The following NRXN3 variants were observed in gnomAD, a reference collection of about 807,000 sequenced individuals.
NRXN3 encodes neurexin 3, also known as neurexin III.
NRXN3 carries 32 observed loss-of-function variants against 137.6 expected under a neutral mutation model. That is an observed-to-expected ratio of 0.23 (90% CI 0.18 to 0.31). The LOEUF (loss-of-function observed/expected upper bound fraction) is 0.31. Among genes scored for constraint, NRXN3 ranks in the 10% least tolerant of loss-of-function variants. The probability of loss-of-function intolerance (pLI) is 1.00; values close to 1 mark genes in which losing one functional copy is unlikely to be tolerated. For missense variants in NRXN3, 1,574 were observed against 2,062.5 expected, an observed-to-expected ratio of 0.76 and a Z score of 4.59; for synonymous variants, 798 against 784.5, an observed-to-expected ratio of 1.02 and a Z score of -0.29.
intron 16 of NRXN3, among the ~76,000 whole-genome samples, chr14:79,621,880 C>G (rs1254899309): frequency 2.0e-5 from 3 of 152,142 alleles, no homozygotes; most frequent in Non-Finnish European, 4.4e-5. Context: ...GTTTTTGAAC[C>G]TTTCTATTTA....
intron 15 of NRXN3, among the ~76,000 whole-genome samples, chr14:79,008,062 G>A (rs539025358): frequency 2.4e-4 from 37 of 152,114 alleles, no homozygotes; most frequent in South Asian, 2.3e-3. Context: ...AAACCCTACC[G>A]CTGTGTTGTA....
chr14:79,715,767 G>A (rs529953960), intron 19 of NRXN3, among the ~76,000 whole-genome samples: 40 of 152,308 alleles, frequency 2.6e-4, no homozygotes, highest in Admixed American at 2.4e-3. Context: ...AAGGACCTGA[G>A]GTAGTGTTGT....
chr14:79,322,566 CAATT>C (rs760276755), intron 15 of NRXN3, among the ~76,000 whole-genome samples: 19 of 152,016 alleles, frequency 1.2e-4, no homozygotes, highest in Non-Finnish European at 2.5e-4. Context: ...AAAGTATATT[CAATT>C]AATTTCTCAA....
chr14:79,600,593 G>A (rs2097911447), intron 16 of NRXN3, among the ~76,000 whole-genome samples: 3 of 152,204 alleles, frequency 2.0e-5, no homozygotes, highest in Admixed American at 6.5e-5. Flanking sequence ...GGAGAGATGT[G>A]AGACCAACAG....
At chr14:79,499,084 T>A (rs978387839) in intron 16 of NRXN3, among the ~76,000 whole-genome samples, 1 of 152,192 alleles carries the variant, frequency 6.6e-6, no homozygotes, top group African/African-American at 2.4e-5. Context: ...ATGGTATTTT[T>A]TAAAAAATAT....
chr14:78,712,913 G>A (rs144728015), intron 7 of NRXN3, among the ~76,000 whole-genome samples: 2 of 152,130 alleles, frequency 1.3e-5, no homozygotes, highest in South Asian at 4.2e-4. Flanking sequence ...TCTGATCTTC[G>A]CAGCCCTTCA....
At chr14:79,309,009 C>T (rs1362892024) in intron 15 of NRXN3, among the ~76,000 whole-genome samples, 1 of 122,966 alleles carries the variant, frequency 8.1e-6, no homozygotes, top group Non-Finnish European at 1.7e-5. Context: ...TATACATGTG[C>T]CATGCTGGTG....
chr14:79,101,799 G>C lies in NRXN3; in HGVS notation c.3262+113658G>C, dbSNP rs116462343. Among the ~76,000 whole-genome samples the C allele has an allele frequency of 5.4e-3, 817 of 152,266 alleles. 7 individuals carry two copies. Among genetic ancestry groups the C allele is most frequent in the African/African-American group, 0.019 (778 of 41,550 alleles). ...CTTTGCAGATGTGATTAAAATGGAA[G>C]CTAAGATGGGGCCATTCATAAGATG... On this transcript the variant is annotated intron_variant, in intron 15 of 20. Coordinates refer to ENST00000335750, the MANE Select transcript of NRXN3 (RefSeq NM_001330195.2).
At chr14:79,489,261 C>G (rs1392090732) in intron 16 of NRXN3, among the ~76,000 whole-genome samples, 1 of 152,116 alleles carries the variant, frequency 6.6e-6, no homozygotes, top group Non-Finnish European at 1.5e-5. Context: ...TGTCTTCAGC[C>G]TCAGTGCTTT....
At chr14:78,315,569 T>G (rs1376356559) in intron 4 of NRXN3, among the ~76,000 whole-genome samples, 3 of 152,244 alleles carry the variant, frequency 2.0e-5, no homozygotes, top group African/African-American at 7.2e-5. Context: ...CAAGCTGCGT[T>G]TATGTATACC....
chr14:78,832,428 C>T (rs1467238533), intron 10 of NRXN3, among the ~76,000 whole-genome samples: 1 of 152,162 alleles, frequency 6.6e-6, no homozygotes, highest in Non-Finnish European at 1.5e-5. Flanking sequence ...CATAATTAAA[C>T]TAACAGCTGA....
chr14:78,276,188 A>G (rs1488302960), intron 2 of NRXN3, among the ~76,000 whole-genome samples: 1 of 152,198 alleles, frequency 6.6e-6, no homozygotes, highest in Non-Finnish European at 1.5e-5. Context: ...GTATTTTTAC[A>G]TACAGGACTA....
intron 4 of NRXN3, among the ~76,000 whole-genome samples, chr14:78,395,429 AG>A (rs1227501888): frequency 6.6e-6 from 1 of 151,638 alleles, no homozygotes; most frequent in Non-Finnish European, 1.5e-5. Context: ...GATTTTGTTG[AG>A]GTTTGTTTTG....
Position 79,111,041 on chromosome 14 carries a change from C to T in NRXN3, c.3262+122900C>T, listed in dbSNP as rs541539118. On this transcript the variant is annotated intron_variant, in intron 15 of 20. Transcript: ENST00000335750. ...TCCTGACCTCGTGGTCTGCCCGCCT[C>T]GGCCTCCCAAAGTGCTGGGAGTACA... is the stretch of plus-strand genomic sequence containing the variant. Among the ~76,000 whole-genome samples the T allele has an allele frequency of 4.0e-3, 601 of 152,152 alleles. 8 individuals are homozygous for T. Among genetic ancestry groups the T allele is most frequent in the Non-Finnish European group, 6.3e-3 (428 of 68,008 alleles).
At position 78,189,690 on chromosome 14, in the gene NRXN3, A is replaced by C. The variant is rs192987227; in HGVS notation, c.-704+19016A>C. On this transcript the variant is annotated intron_variant, in intron 1 of 20. Transcript: ENST00000335750. ...CAACCTCCACTTCCGGGTTTGAGCA[A>C]TTCTCCTGCCTCAGCTTCCCAAGTA... is the stretch of plus-strand genomic sequence containing the variant. 2.6e-5 allele frequency among the ~76,000 whole-genome samples: 4 copies of C among 152,164 alleles called. No individual in the cohort carries two copies. The East Asian group carries it at 7.7e-4, about 29-fold the overall frequency.
In NRXN3 at chr14:79,860,647, C is replaced by T. The variant is rs150202905; in HGVS notation, c.4094-695C>T. Among the ~76,000 whole-genome samples the T allele has an allele frequency of 1.4e-4, 22 of 152,314 alleles. No homozygotes were observed. In the East Asian group the frequency reaches 2.1e-3, roughly 15 times the overall value. On this transcript the variant is annotated intron_variant, in intron 20 of 20. Transcript: ENST00000335750. ...GAAGGCAATAAAGAAATCTTAAACG[C>T]ATGTTAATAAATTCTTAAGTTAAGC...
At chr14:79,576,059 CA>C (rs2097661977) in intron 16 of NRXN3, among the ~76,000 whole-genome samples, 1 of 152,156 alleles carries the variant, frequency 6.6e-6, no homozygotes, top group Non-Finnish European at 1.5e-5. Flanking sequence ...AAGGGGTGTG[CA>C]AAAGAATGTG....
intron 15 of NRXN3, among the ~76,000 whole-genome samples, chr14:78,998,079 T>C (rs2099533681): frequency 6.6e-6 from 1 of 152,182 alleles, no homozygotes; most frequent in Middle Eastern, 3.2e-3. Flanking sequence ...GGAGCAGTCT[T>C]AAATCTCACA....
At chr14:79,669,133 C>T (rs2153994516) in intron 17 of NRXN3, 1 of 152,112 alleles carries the variant, frequency 6.6e-6, no homozygotes, top group African/African-American at 2.4e-5. Context: ...TAAAACAAGC[C>T]CCATCTACCT....
Sources: allele counts gnomAD v4.1 joint callset (sites outside exome capture counted in the v4.1 genomes callset), GRCh38; gene constraint gnomAD v4.1.1; transcripts MANE v1.5; gene names NCBI Gene and HGNC (gene_info 2026-07-23, HGNC 2026-07-21).